The following KCNIP4 variants were observed in gnomAD, a reference collection of about 807,000 sequenced individuals.
KCNIP4 encodes the protein potassium voltage-gated channel interacting protein 4.
KCNIP4 carries 12 observed loss-of-function variants against 34.0 expected under a neutral mutation model. That is an observed-to-expected ratio of 0.35 (90% confidence interval 0.23 to 0.57). The LOEUF (loss-of-function observed/expected upper bound fraction) is 0.57, where lower values mean the gene tolerates loss of function less well. Ranked by LOEUF, KCNIP4 falls within the 20% of genes least tolerant of loss-of-function variation. The pLI is 0.83. For missense variants in KCNIP4, 238 were observed against 311.7 expected (o/e 0.76, Z 1.78); for synonymous variants, 124 against 102.2 (o/e 1.21, Z -1.29).
At chr4:21,180,730 T>A (rs1414903427) in intron 1 of KCNIP4, among the ~76,000 whole-genome samples, 1 of 150,546 alleles carries the variant, frequency 6.6e-6, no homozygotes, top group East Asian at 1.9e-4. Flanking sequence ...TATAGTATAG[T>A]GTATTTGTGT....
chr4:21,583,177 A>ATTTCC (rs1293819394), intron 1 of KCNIP4, among the ~76,000 whole-genome samples: 6 of 151,976 alleles, frequency 3.9e-5, no homozygotes, highest in Non-Finnish European at 7.4e-5. Context: ...GATTTTACAA[A>ATTTCC]TTAAGCATTA....
At chr4:21,799,064 A>G (rs749387567) in intron 1 of KCNIP4, among the ~76,000 whole-genome samples, 10 of 152,176 alleles carry the variant, frequency 6.6e-5, no homozygotes, top group African/African-American at 7.2e-5. Context: ...TATAATTTCA[A>G]CTTTTACATT....
intron 3 of KCNIP4, among the ~76,000 whole-genome samples, chr4:20,778,587 T>C (rs1328822274): frequency 6.6e-6 from 1 of 152,178 alleles, no homozygotes; most frequent in Non-Finnish European, 1.5e-5. Flanking sequence ...CTGGGGGAAA[T>C]GGTACCTGGT....
chr4:21,502,800 G>A (rs974352687), intron 1 of KCNIP4, among the ~76,000 whole-genome samples: 7 of 152,080 alleles, frequency 4.6e-5, no homozygotes, highest in East Asian at 1.9e-4. Context: ...CACAGAGTGC[G>A]GGCTCACTAT....
Position 21,460,132 on chromosome 4 carries a change from T to C in KCNIP4, c.61+488439A>G, listed in dbSNP as rs1032381835. On this transcript the variant is annotated intron_variant, in intron 1 of 8. Transcript: ENST00000382152. ...CCCATCTCTTGTGTTTTATTTTCTTTCCTATTGCTCTTTCCTCCATTCATT... is the reference window on the plus strand; with the variant it reads ...CCCATCTCTTGTGTTTTATTTTCTTCCCTATTGCTCTTTCCTCCATTCATT... Among the ~76,000 whole-genome samples the C allele has an allele frequency of 5.6e-5, 8 of 143,958 alleles. No individual in the cohort carries two copies. The South Asian group carries it at 7.0e-4, about 13-fold the overall frequency. The allele number at this position is 143,958 out of a possible 152,430, so 94.4% of individuals were successfully genotyped here.
intron 1 of KCNIP4, among the ~76,000 whole-genome samples, chr4:20,998,293 G>A (rs1277639949): frequency 6.6e-6 from 1 of 152,172 alleles, no homozygotes; most frequent in Non-Finnish European, 1.5e-5. Context: ...CACTGTAGAA[G>A]CCCTATCAAT....
At chr4:21,433,627 C>A (rs1726693511) in intron 1 of KCNIP4, among the ~76,000 whole-genome samples, 1 of 152,134 alleles carries the variant, frequency 6.6e-6, no homozygotes. Context: ...GTGGCTATAG[C>A]TGACTGATAC....
At chr4:20,891,331 G>A (rs1026623033) in intron 1 of KCNIP4, among the ~76,000 whole-genome samples, 1 of 152,158 alleles carries the variant, frequency 6.6e-6, no homozygotes, top group African/African-American at 2.4e-5. Flanking sequence ...ATTGGGCTGA[G>A]CAAGGTGGCT....
chr4:20,803,731 A>G (rs954848655), intron 3 of KCNIP4, among the ~76,000 whole-genome samples: 2 of 126,862 alleles, frequency 1.6e-5, no homozygotes, highest in Non-Finnish European at 3.3e-5. Context: ...GAGAGAGAGG[A>G]AGGAAGGAAG....
chr4:21,568,906 A>G (rs1740132351), intron 1 of KCNIP4, among the ~76,000 whole-genome samples: 1 of 152,078 alleles, frequency 6.6e-6, no homozygotes, highest in African/African-American at 2.4e-5. Flanking sequence ...ACACTGACTA[A>G]TACAGTGAAG....
chr4:21,668,205 G>A (rs749899676), intron 1 of KCNIP4, among the ~76,000 whole-genome samples: 7 of 152,102 alleles, frequency 4.6e-5, no homozygotes, highest in Non-Finnish European at 1.0e-4. Context: ...CACAGAGAGG[G>A]GAACGTCACA....
At chr4:21,443,556 G>A (rs1255710782) in intron 1 of KCNIP4, among the ~76,000 whole-genome samples, 1 of 152,158 alleles carries the variant, frequency 6.6e-6, no homozygotes, top group African/African-American at 2.4e-5. Context: ...TAAGAGCAAT[G>A]ACAAAGGTTT....
chr4:20,999,034 A>T (rs1309326888), intron 1 of KCNIP4, among the ~76,000 whole-genome samples: 3 of 152,226 alleles, frequency 2.0e-5, no homozygotes, highest in African/African-American at 7.2e-5. Context: ...TAGTGAGAGC[A>T]AAGGTGGTTT....
At chr4:21,784,550 C>T (rs935201885) in intron 1 of KCNIP4, among the ~76,000 whole-genome samples, 17 of 152,038 alleles carry the variant, frequency 1.1e-4, no homozygotes, top group Admixed American at 3.9e-4. Flanking sequence ...AACATTTGCA[C>T]AAGAATGTTT....
At chr4:21,006,214 A>C (rs114829913) in intron 1 of KCNIP4, among the ~76,000 whole-genome samples, 4 of 152,236 alleles carry the variant, frequency 2.6e-5, no homozygotes, top group Non-Finnish European at 5.9e-5. Context: ...AGAAACCTGC[A>C]TGCAGAGGAG....
chr4:21,473,211 T>C (rs1730613482), intron 1 of KCNIP4, among the ~76,000 whole-genome samples: 1 of 152,190 alleles, frequency 6.6e-6, no homozygotes, highest in African/African-American at 2.4e-5. Context: ...GACATTAGGA[T>C]TTGGGGACCA....
chr4:21,879,782 T>C (rs1014894543), intron 1 of KCNIP4, among the ~76,000 whole-genome samples: 5 of 152,168 alleles, frequency 3.3e-5, no homozygotes, highest in African/African-American at 9.6e-5. Context: ...AAATCTCATC[T>C]TATAGTTCCC....
chr4:21,715,082 T>G lies in KCNIP4; in HGVS notation c.61+233489A>C, dbSNP rs1297609196. On this transcript the variant is annotated intron_variant, in intron 1 of 8. Coordinates refer to ENST00000382152, the MANE Select transcript of KCNIP4 (RefSeq NM_025221.6). ...TTATTTTATTTTATTTTATTTTATT[T>G]TATTTTATTTATTTTTGAGATGGAG... 7.3e-5 allele frequency among the ~76,000 whole-genome samples: 4 copies of G among 54,754 alleles called. 2 individuals carry two copies. Among genetic ancestry groups the G allele is most frequent in the Non-Finnish European group, 1.1e-4 (4 of 38,036 alleles). The allele number at this position is 54,754 out of a possible 152,430, so 35.9% of individuals were successfully genotyped here.
chr4:21,645,297 A>G (rs10033231), intron 1 of KCNIP4, among the ~76,000 whole-genome samples: 42,440 of 152,088 alleles, frequency 0.28, 7,550 homozygotes, highest in East Asian at 0.9. Context: ...TACATTTAGT[A>G]AGCAATAGAA....
Sources: gnomAD v4.1 joint callset for allele counts (sites outside exome capture counted in the v4.1 genomes callset) on GRCh38, gnomAD v4.1.1 for gene constraint, MANE v1.5 for transcripts, NCBI Gene and HGNC (gene_info 2026-07-23, HGNC 2026-07-21) for gene names.